The following NR3C2 variants were observed in gnomAD, a reference collection of about 807,000 sequenced individuals.
NR3C2 encodes mineralocorticoid receptor.
NR3C2 carries 15 observed loss-of-function variants against 86.4 expected under a neutral mutation model. That is an observed-to-expected ratio of 0.17 (90% CI 0.12 to 0.27). The LOEUF is 0.27. NR3C2 is among the 10% of genes least tolerant of loss of function. The pLI, the probability that NR3C2 is intolerant of heterozygous loss-of-function variation, is 1.00. For synonymous variants in NR3C2, 458 were observed against 450.5 expected, an observed-to-expected ratio of 1.02 and a Z score of -0.21; for missense variants, 960 against 1,195.6, an observed-to-expected ratio of 0.80 and a Z score of 2.91.
chr4:148,369,163 T>G (rs1338139870), intron 2 of NR3C2, among the ~76,000 whole-genome samples: 1 of 152,232 alleles, frequency 6.6e-6, no homozygotes, highest in African/African-American at 2.4e-5. Flanking sequence ...TTCTGCTTCA[T>G]GCAAAACTAA....
chr4:148,209,917 G>A (rs1221307924), intron 3 of NR3C2, among the ~76,000 whole-genome samples: 1 of 152,130 alleles, frequency 6.6e-6, no homozygotes, highest in African/African-American at 2.4e-5. Flanking sequence ...AATTTGCTTA[G>A]GGCACCATTG....
chr4:148,381,640 T>C (rs1165469775), intron 2 of NR3C2, among the ~76,000 whole-genome samples: 1 of 152,212 alleles, frequency 6.6e-6, no homozygotes, highest in Non-Finnish European at 1.5e-5. Context: ...TCAATCAAAA[T>C]GTTTTTATTT....
intron 3 of NR3C2, among the ~76,000 whole-genome samples, chr4:148,218,869 G>A (rs553267153): frequency 2.0e-5 from 3 of 152,274 alleles, no homozygotes; most frequent in African/African-American, 7.2e-5. Context: ...GATATACCAT[G>A]TTGTTTTTAC....
At chr4:148,434,417 T>G (rs1560733998) in intron 2 of NR3C2, among the ~76,000 whole-genome samples, 2 of 152,190 alleles carry the variant, frequency 1.3e-5, no homozygotes, top group East Asian at 3.8e-4. Flanking sequence ...ATCTGAAAAG[T>G]TATAAATATA....
At chr4:148,178,932 TA>T (rs58576220) in intron 4 of NR3C2, among the ~76,000 whole-genome samples, 18,987 of 95,146 alleles carry the variant, frequency 0.2, 1,314 homozygotes, top group Middle Eastern at 0.31. Context: ...AAGAAGCAGG[TA>T]AAAAAAAAAA....
At chr4:148,323,590 T>C (rs1458006290) in intron 2 of NR3C2, among the ~76,000 whole-genome samples, 2 of 151,642 alleles carry the variant, frequency 1.3e-5, no homozygotes, top group African/African-American at 2.4e-5. Flanking sequence ...GGTGCGCCGT[T>C]TTTTCAGCCC....
chr4:148,354,783 ACTG>A (rs1479828467), intron 2 of NR3C2, among the ~76,000 whole-genome samples: 2 of 152,172 alleles, frequency 1.3e-5, no homozygotes, highest in East Asian at 1.9e-4. Context: ...AAAATATAAA[ACTG>A]CTCAACATTC....
chr4:148,375,732 A>T (rs1374456961), intron 2 of NR3C2, among the ~76,000 whole-genome samples: 1 of 152,160 alleles, frequency 6.6e-6, no homozygotes, highest in Non-Finnish European at 1.5e-5. Context: ...GTTTCAAAAG[A>T]GACACACCCT....
chr4:148,401,009 GCTA>G (rs1422063323), intron 2 of NR3C2, among the ~76,000 whole-genome samples: 1 of 152,082 alleles, frequency 6.6e-6, no homozygotes, highest in East Asian at 1.9e-4. Flanking sequence ...TATTTACTGA[GCTA>G]CTAATAACAA....
chr4:148,152,630 T>C lies in NR3C2; in HGVS notation c.2366-17A>G. 6.2e-7 allele frequency: 1 copy of C among 1,613,074 alleles called. No homozygotes were observed. The highest frequency in any genetic ancestry group is 8.5e-7 in the Non-Finnish European group (1 of 1,179,098). On this transcript the variant is annotated splice_polypyrimidine_tract_variant and intron_variant, in intron 5 of 8. Transcript: ENST00000358102. ...TTTTAAATCCTGAAGAACAAAACAA[T>C]TAATCACAGAAATACACTTAGCATT...
At chr4:148,364,408 C>G (rs1746005821) in intron 2 of NR3C2, among the ~76,000 whole-genome samples, 1 of 152,126 alleles carries the variant, frequency 6.6e-6, no homozygotes, top group African/African-American at 2.4e-5. Flanking sequence ...GAAAAGTAAT[C>G]TTCTTTGCTT....
chr4:148,208,746 T>G (rs917132682), intron 3 of NR3C2: 1 of 152,242 alleles, frequency 6.6e-6, no homozygotes, highest in Non-Finnish European at 1.5e-5. Context: ...TATCCCACCT[T>G]GGTCTGATTC....
At chr4:148,182,847 T>A (rs1182502823) in intron 4 of NR3C2, among the ~76,000 whole-genome samples, 3 of 152,210 alleles carry the variant, frequency 2.0e-5, no homozygotes, top group Admixed American at 1.3e-4. Context: ...TATTTTAAGT[T>A]CTAGGGTACA....
chr4:148,090,833 CCA>C (rs1295325322), intron 8 of NR3C2, among the ~76,000 whole-genome samples: 1 of 152,218 alleles, frequency 6.6e-6, no homozygotes, highest in Non-Finnish European at 1.5e-5. Flanking sequence ...CAGCTCATCC[CCA>C]GTCATGAGGG....
chr4:148,139,253 C>T, intron 6 of NR3C2, among the ~76,000 whole-genome samples: 1 of 152,100 alleles, frequency 6.6e-6, no homozygotes, highest in East Asian at 1.9e-4. Context: ...AGCTAAAAAA[C>T]TCTGAGCATT....
intron 2 of NR3C2, among the ~76,000 whole-genome samples, chr4:148,329,530 C>A (rs75110047): frequency 0.02 from 3,028 of 152,090 alleles, 58 homozygotes; most frequent in South Asian, 0.063. Flanking sequence ...GCCCTTTTTT[C>A]CACAGTACAT....
chr4:148,206,661 A>C (rs1208217421), intron 3 of NR3C2, among the ~76,000 whole-genome samples: 1 of 152,192 alleles, frequency 6.6e-6, no homozygotes, highest in Admixed American at 6.5e-5. Flanking sequence ...GTGGAGTTGA[A>C]GATTAGAATC....
chr4:148,318,806 T>C (rs1293354112), intron 2 of NR3C2, among the ~76,000 whole-genome samples: 2 of 152,242 alleles, frequency 1.3e-5, no homozygotes, highest in East Asian at 3.9e-4. Flanking sequence ...GTTGTGAAAA[T>C]TTTCTCCCAT....
intron 2 of NR3C2, among the ~76,000 whole-genome samples, chr4:148,299,715 G>T (rs1304449835): frequency 6.6e-6 from 1 of 152,154 alleles, no homozygotes; most frequent in South Asian, 2.1e-4. Flanking sequence ...AGAATAAGAG[G>T]TTCTTCCCCA....
Sources: allele counts gnomAD v4.1 joint callset (sites outside exome capture counted in the v4.1 genomes callset), GRCh38; gene constraint gnomAD v4.1.1; transcripts MANE v1.5; gene names NCBI Gene and HGNC (gene_info 2026-07-23, HGNC 2026-07-21).